PBLD: variants seen among roughly 807,000 people sequenced by gnomAD.
PBLD encodes phenazine biosynthesis-like domain-containing protein.
In PBLD, 26 loss-of-function variants were observed where a neutral mutation model predicts 31.3. The ratio of observed to expected loss-of-function variants is 0.83; its 90% confidence interval spans 0.61 to 1.15. The LOEUF is 1.15. PBLD is among the 50% of genes most tolerant of loss of function. The pLI is 0.00. For missense variants in PBLD, 307 were observed against 351.7 expected (o/e 0.87, Z 1.02); for synonymous variants, 114 against 129.0 (o/e 0.88, Z 0.79).
chr10:68,312,168 A>G (rs1297060857), intron 1 of PBLD, among the ~76,000 whole-genome samples: 2 of 152,240 alleles, frequency 1.3e-5, no homozygotes, highest in African/African-American at 4.8e-5. Context: ...AAGAACGCAG[A>G]TATTTCTTCA....
intron 9 of PBLD, 70 bp from the exon 10 acceptor site, chr10:68,284,359 C>T (rs1016157554): frequency 7.5e-7 from 1 of 1,340,156 alleles, no homozygotes. Context: ...TAGTGAAAGA[C>T]TTATTACAAA....
chr10:68,307,523 G>A (rs1023272349), intron 1 of PBLD, among the ~76,000 whole-genome samples: 68 of 151,716 alleles, frequency 4.5e-4, no homozygotes, highest in African/African-American at 1.5e-3. Context: ...TTTTTGAGAC[G>A]GAGCATCGCT....
chr10:68,288,347 G>C, intron 8 of PBLD, 136 bp downstream of exon 8: 2 of 902,208 alleles, frequency 2.2e-6, no homozygotes, highest in South Asian at 3.6e-5. Flanking sequence ...GGGATGGCAG[G>C]GATGGGGAAA....
chr10:68,327,924 T>C (rs1250331861), intron 1 of PBLD, among the ~76,000 whole-genome samples: 2 of 152,242 alleles, frequency 1.3e-5, no homozygotes, highest in Non-Finnish European at 2.9e-5. Flanking sequence ...GTTTAGGTGC[T>C]TTCTTCCTTT....
At chr10:68,297,380 A>T (rs907412535) in intron 2 of PBLD, among the ~76,000 whole-genome samples, 3 of 151,682 alleles carry the variant, frequency 2.0e-5, no homozygotes, top group Non-Finnish European at 2.9e-5. Context: ...AGGCTGGACC[A>T]CTCCTCCCCT....
chr10:68,297,112 T>C, intron 2 of PBLD, 127 bp from the exon 3 acceptor site: 1 of 755,328 alleles, frequency 1.3e-6, no homozygotes, highest in South Asian at 1.7e-5. Context: ...AAGGAAATAA[T>C]TACCAAGGAA....
At chr10:68,304,905 T>C (rs1443502191) in intron 2 of PBLD, among the ~76,000 whole-genome samples, 2 of 152,202 alleles carry the variant, frequency 1.3e-5, no homozygotes, top group African/African-American at 4.8e-5. Context: ...CTTCCCAAAC[T>C]CTTGTAATAA....
At chr10:68,307,098 C>T (rs563840247) in intron 1 of PBLD, among the ~76,000 whole-genome samples, 195 bp from the exon 2 acceptor site, 56 of 151,976 alleles carry the variant, frequency 3.7e-4, no homozygotes, top group South Asian at 8.3e-4. Flanking sequence ...GCACCGATCT[C>T]GGCTCACTGT....
intron 2 of PBLD, among the ~76,000 whole-genome samples, chr10:68,299,492 T>C (rs2044476247): frequency 6.6e-6 from 1 of 152,114 alleles, no homozygotes; most frequent in Non-Finnish European, 1.5e-5. Flanking sequence ...TCCATATAAT[T>C]ATATAGGGCA....
chr10:68,299,367 G>C (rs995074386), intron 2 of PBLD, among the ~76,000 whole-genome samples: 1 of 151,830 alleles, frequency 6.6e-6, no homozygotes, highest in African/African-American at 2.4e-5. Flanking sequence ...TATTGCTCTT[G>C]ATCTCCTGAA....
intron 6 of PBLD, among the ~76,000 whole-genome samples, 179 bp downstream of exon 6, chr10:68,291,831 A>G (rs1378738562): frequency 6.6e-6 from 1 of 152,224 alleles, no homozygotes; most frequent in Non-Finnish European, 1.5e-5. Context: ...AGTGACAATC[A>G]GGAGCCAAGG....
chr10:68,319,191 G>GGA (rs1564737610), intron 1 of PBLD, among the ~76,000 whole-genome samples: 2 of 137,134 alleles, frequency 1.5e-5, no homozygotes, highest in African/African-American at 5.5e-5. Context: ...GATGGAGAGT[G>GGA]AAAAAAAAAA....
chr10:68,293,249 A>G (rs2044382880), intron 4 of PBLD, among the ~76,000 whole-genome samples: 1 of 152,250 alleles, frequency 6.6e-6, no homozygotes, highest in Non-Finnish European at 1.5e-5. Flanking sequence ...CCAAGGGAAT[A>G]ACAAAACATT....
At chr10:68,327,045 C>T (rs2044932863) in intron 1 of PBLD, among the ~76,000 whole-genome samples, 1 of 151,662 alleles carries the variant, frequency 6.6e-6, no homozygotes, top group South Asian at 2.1e-4. Context: ...GACTCCACTA[C>T]AAAACAACAA....
At chr10:68,307,681 A>T (rs1365913234) in intron 1 of PBLD, among the ~76,000 whole-genome samples, 1 of 151,898 alleles carries the variant, frequency 6.6e-6, no homozygotes, top group African/African-American at 2.4e-5. Flanking sequence ...TTGTATTTTT[A>T]GTAGAGATGG....
At chr10:68,304,808 T>C (rs1354390331) in intron 2 of PBLD, among the ~76,000 whole-genome samples, 1 of 152,246 alleles carries the variant, frequency 6.6e-6, no homozygotes. Flanking sequence ...AATTCCACAA[T>C]TCCTTGACAG....
At chr10:68,287,466 G>C (rs1298414391) in intron 8 of PBLD, 1 of 152,260 alleles carries the variant, frequency 6.6e-6, no homozygotes, top group African/African-American at 2.4e-5. Flanking sequence ...TGTTTGCTGA[G>C]TTTTGAATTT....
rs990944312 is a variant in PBLD, at chr10:68,293,219, C to G, written c.284-981G>C. On this transcript the variant is annotated intron_variant, in intron 4 of 9. Coordinates refer to ENST00000358769, the MANE Select transcript of PBLD (RefSeq NM_022129.4). ...GCAGCAACAACCATAGAGTCATAAC[C>G]TCTTCTAGTCTAAGATACGCCAAGG... is the stretch of plus-strand genomic sequence containing the variant. 3.9e-5 allele frequency among the ~76,000 whole-genome samples: 6 copies of G among 152,298 alleles called. No homozygotes were observed. The East Asian group carries it at 1.2e-3, about 29-fold the overall frequency.
At chr10:68,328,475 T>C (rs190626332) in intron 1 of PBLD, among the ~76,000 whole-genome samples, 121 of 152,324 alleles carry the variant, frequency 7.9e-4, no homozygotes, top group Non-Finnish European at 5.9e-4. Flanking sequence ...GTTTGTTGTC[T>C]TGTTTTCCTC....
Sources: gnomAD v4.1 joint callset for allele counts (sites outside exome capture counted in the v4.1 genomes callset) on GRCh38, gnomAD v4.1.1 for gene constraint, MANE v1.5 for transcripts, NCBI Gene and HGNC (gene_info 2026-07-23, HGNC 2026-07-21) for gene names.